ASTN2: variants seen among roughly 807,000 people sequenced by gnomAD.
The protein encoded by ASTN2 is astrotactin-2.
ASTN2 carries 54 observed loss-of-function variants against 139.8 expected under a neutral mutation model. The ratio of observed to expected loss-of-function variants is 0.39; its 90% CI spans 0.31 to 0.48. The LOEUF is 0.48. Among genes scored for constraint, ASTN2 ranks in the 20% least tolerant of loss-of-function variants. The pLI is 0.95. For synonymous variants in ASTN2, 756 were observed against 719.5 expected (o/e 1.05, Z -0.81); for missense variants, 1,565 against 1,725.1 (o/e 0.91, Z 1.64).
At chr9:116,673,649 G>C (rs1431403947) in intron 16 of ASTN2, among the ~76,000 whole-genome samples, 2 of 152,202 alleles carry the variant, frequency 1.3e-5, no homozygotes, top group Non-Finnish European at 2.9e-5. Flanking sequence ...TGAGGAGGTA[G>C]AGATTGAAGT....
At chr9:116,936,600 A>G (rs1160231006) in intron 10 of ASTN2, among the ~76,000 whole-genome samples, 1 of 152,190 alleles carries the variant, frequency 6.6e-6, no homozygotes, top group Non-Finnish European at 1.5e-5. Flanking sequence ...AAAGCACCCA[A>G]CATGTCATCA....
At chr9:116,509,116 G>C (rs964723562) in intron 19 of ASTN2, among the ~76,000 whole-genome samples, 2 of 152,034 alleles carry the variant, frequency 1.3e-5, no homozygotes, top group Non-Finnish European at 2.9e-5. Context: ...CCATTAACTC[G>C]TCATTTACAT....
In ASTN2 at chr9:116,801,199, G is replaced by C. The variant is rs545302083; in HGVS notation, c.2396+4433C>G. ...GAGAGAAATGACAACTGCATTTGAT[G>C]CTGAAATATTTGCAGGCTTTCAGGA... On this transcript the variant is annotated intron_variant, in intron 13 of 22. Coordinates refer to ENST00000313400, the MANE Select transcript of ASTN2 (RefSeq NM_001365068.1). Among the ~76,000 whole-genome samples the C allele has an allele frequency of 1.1e-4, 16 of 152,278 alleles. No homozygotes were observed. The South Asian group carries it at 3.3e-3, about 32-fold the overall frequency.
chr9:117,409,741 T>A (rs1426316804), intron 1 of ASTN2, among the ~76,000 whole-genome samples: 2 of 152,184 alleles, frequency 1.3e-5, no homozygotes, highest in African/African-American at 4.8e-5. Flanking sequence ...GCATAAGTGA[T>A]CCTCCTGCTT....
intron 16 of ASTN2, among the ~76,000 whole-genome samples, chr9:116,717,296 A>G (rs1277611752): frequency 4.6e-5 from 2 of 43,892 alleles, no homozygotes; most frequent in Non-Finnish European, 4.3e-5. Context: ...CGGGGAACAA[A>G]TGCTTTTTTT....
At chr9:116,454,327 A>G (rs542301000) in intron 20 of ASTN2, among the ~76,000 whole-genome samples, 6 of 152,326 alleles carry the variant, frequency 3.9e-5, no homozygotes, top group South Asian at 2.1e-4. Context: ...GATAATAGAG[A>G]TATCTATTTT....
At chr9:116,803,498 ATATATATATATATATATATATATATTT>A (rs1194495339) in intron 13 of ASTN2, among the ~76,000 whole-genome samples, 6 of 41,554 alleles carry the variant, frequency 1.4e-4, no homozygotes, top group East Asian at 3.3e-4. Context: ...ATATATATAT[ATATATATATATATATATATATATATTT>A]TTTTTTTTTT....
chr9:116,916,770 C>T (rs906237788), intron 10 of ASTN2, among the ~76,000 whole-genome samples: 7 of 152,014 alleles, frequency 4.6e-5, no homozygotes, highest in South Asian at 4.1e-4. Context: ...AGGCAGAGGT[C>T]GCAGTGAGCC....
At position 117,304,925 on chromosome 9, in the gene ASTN2, A is replaced by G. The variant is rs188910029; in HGVS notation, c.443-13412T>C. Among the ~76,000 whole-genome samples, 197 of 152,306 alleles carry G rather than the reference A, an allele frequency of 1.3e-3. 1 individual carries two copies. The highest frequency in any genetic ancestry group is 4.0e-3 in the African/African-American group (165 of 41,576). ...ACGACCCTCTTGATTTTCTCTCTGC[A>G]TCAGAGAAAGATGAAAAAATGGCTA... On this transcript the variant is annotated intron_variant, in intron 1 of 22. Transcript: ENST00000313400.
chr9:117,016,608 ATCTATATCTATCTATC>A (rs1162234367), intron 6 of ASTN2, among the ~76,000 whole-genome samples: 2,961 of 10,644 alleles, frequency 0.28, 220 homozygotes, highest in Non-Finnish European at 0.3. Context: ...ATATATCTAT[ATCTATATCTATCTATC>A]TATATATATA....
chr9:116,451,465 G>C (rs1411125846), intron 20 of ASTN2, among the ~76,000 whole-genome samples: 1 of 151,732 alleles, frequency 6.6e-6, no homozygotes, highest in Non-Finnish European at 1.5e-5. Context: ...AAAAAAAAGA[G>C]TGGGGTTTTT....
intron 10 of ASTN2, among the ~76,000 whole-genome samples, chr9:116,890,054 G>C (rs1039921940): frequency 6.6e-6 from 1 of 152,204 alleles, no homozygotes; most frequent in Non-Finnish European, 1.5e-5. Flanking sequence ...CAACCAGCAA[G>C]TGCTGAGTTT....
At chr9:117,338,733 A>AC (rs1828971663) in intron 1 of ASTN2, among the ~76,000 whole-genome samples, 1 of 147,224 alleles carries the variant, frequency 6.8e-6, no homozygotes, top group Admixed American at 6.8e-5. Context: ...TGCAAAAGTA[A>AC]TTTTTTTTTT....
intron 20 of ASTN2, among the ~76,000 whole-genome samples, chr9:116,460,271 T>G (rs2118962110): frequency 6.6e-6 from 1 of 152,224 alleles, no homozygotes; most frequent in African/African-American, 2.4e-5. Context: ...AAATGACTGT[T>G]AATGGGTTAC....
At chr9:116,701,879 G>GT (rs1234138437) in intron 16 of ASTN2, among the ~76,000 whole-genome samples, 25 of 112,476 alleles carry the variant, frequency 2.2e-4, no homozygotes, top group Non-Finnish European at 3.4e-4. Context: ...CAGTTTTTTG[G>GT]GTTTTTTTTT....
chr9:117,223,693 A>G (rs1010263301), intron 2 of ASTN2, among the ~76,000 whole-genome samples: 15 of 152,222 alleles, frequency 9.9e-5, no homozygotes, highest in Admixed American at 4.6e-4. Flanking sequence ...AAAAGGCACA[A>G]CAAATAAGAA....
intron 3 of ASTN2, among the ~76,000 whole-genome samples, chr9:117,214,061 A>G (rs1832228465): frequency 1.3e-5 from 2 of 152,196 alleles, no homozygotes; most frequent in South Asian, 4.1e-4. Flanking sequence ...TTTTCCGAGT[A>G]GTGAGAAAGC....
intron 11 of ASTN2, among the ~76,000 whole-genome samples, chr9:116,858,863 A>T (rs934527314): frequency 6.6e-6 from 1 of 152,162 alleles, no homozygotes; most frequent in Non-Finnish European, 1.5e-5. Flanking sequence ...TCAGTATTTT[A>T]TTGCTATTGT....
At chr9:116,702,425 A>G (rs967535169) in intron 16 of ASTN2, among the ~76,000 whole-genome samples, 1 of 152,158 alleles carries the variant, frequency 6.6e-6, no homozygotes, top group Non-Finnish European at 1.5e-5. Flanking sequence ...ACAAGTCTCC[A>G]AATATATCAA....
Sources: allele counts gnomAD v4.1 joint callset (sites outside exome capture counted in the v4.1 genomes callset), GRCh38; gene constraint gnomAD v4.1.1; transcripts MANE v1.5; gene names NCBI Gene and HGNC (gene_info 2026-07-23, HGNC 2026-07-21).